KCNN2: variants seen among roughly 807,000 people sequenced by gnomAD.
KCNN2 encodes the protein small conductance calcium-activated potassium channel protein 2.
In KCNN2, 24 loss-of-function variants were observed where a neutral mutation model predicts 55.5. That is an observed-to-expected ratio of 0.43 (90% CI 0.31 to 0.61). The LOEUF (loss-of-function observed/expected upper bound fraction) is 0.61, where lower values mean the gene tolerates loss of function less well. KCNN2 is among the 20% of genes least tolerant of loss of function. The pLI, the probability that KCNN2 is intolerant of heterozygous loss-of-function variation, is 0.08. For missense variants in KCNN2, 754 were observed against 853.6 expected (o/e 0.88, Z 1.45); for synonymous variants, 431 against 336.1 (o/e 1.28, Z -3.09).
chr5:114,483,874 T>C (rs1185238589), intron 5 of KCNN2, among the ~76,000 whole-genome samples: 3 of 152,196 alleles, frequency 2.0e-5, no homozygotes, highest in African/African-American at 4.8e-5. Context: ...TACTAAATGT[T>C]TGATGGACAT....
At chr5:114,478,685 T>C (rs938839271) in intron 5 of KCNN2, among the ~76,000 whole-genome samples, 3 of 152,122 alleles carry the variant, frequency 2.0e-5, no homozygotes, top group African/African-American at 7.2e-5. Context: ...AAAACCCGTC[T>C]GACTAACAGT....
At chr5:114,488,237 A>ACT in intron 6 of KCNN2, among the ~76,000 whole-genome samples, 1 of 152,194 alleles carries the variant, frequency 6.6e-6, no homozygotes, top group African/African-American at 2.4e-5. Context: ...AGAAATTAAA[A>ACT]CTCAAGTATC....
chr5:114,361,061 G>A (rs1019941467), upstream of KCNN2: 2 of 152,380 alleles, frequency 1.3e-5, no homozygotes, highest in African/African-American at 4.8e-5. Flanking sequence ...TGGGACCTCC[G>A]GATTCGGGCT....
intron 1 of KCNN2, among the ~76,000 whole-genome samples, chr5:114,198,497 T>G (rs1753606314): frequency 6.7e-6 from 1 of 149,062 alleles, no homozygotes; most frequent in Non-Finnish European, 1.5e-5. Flanking sequence ...TTTTCTTTAT[T>G]CAGTCCTCCT....
In KCNN2 at chr5:114,150,149, C is replaced by T. The variant is rs560888296; in HGVS notation, c.-270-71331C>T. ...CTGGCATTGACTTTACATAGTCCTG[C>T]GTGCAACTTTGTATTTACAATAATC... On this transcript the variant is annotated intron_variant, in intron 1 of 10. Coordinates refer to the KCNN2 transcript ENST00000512097. Among the ~76,000 whole-genome samples, 14 of 152,284 alleles carry T rather than the reference C, an allele frequency of 9.2e-5. No individual in the cohort carries two copies. The East Asian group carries it at 1.9e-3, about 21-fold the overall frequency.
rs193009436 is a variant in KCNN2, at chr5:114,268,687, C to T, written c.-185+47122C>T. 6.6e-5 allele frequency among the ~76,000 whole-genome samples: 10 copies of T among 152,240 alleles called. No homozygotes were observed. The East Asian group carries it at 9.7e-4, about 15-fold the overall frequency. ...AGACTGAAGTTCTGACACAGGTCTC[C>T]GGGTCATTTCTCTGCCCAGATAGAG... On this transcript the variant is annotated intron_variant, in intron 2 of 10. Coordinates refer to the KCNN2 transcript ENST00000512097.
chr5:114,175,793 C>CT (rs1258315545), intron 1 of KCNN2, among the ~76,000 whole-genome samples: 1 of 152,066 alleles, frequency 6.6e-6, no homozygotes. Flanking sequence ...TGCAATTGCA[C>CT]TTTAGTTGAA....
intron 3 of KCNN2, among the ~76,000 whole-genome samples, chr5:114,442,033 C>T (rs1013909821): frequency 2.6e-5 from 4 of 152,020 alleles, no homozygotes; most frequent in African/African-American, 9.7e-5. Context: ...GCTCAGAATC[C>T]CATTTCTCAA....
At chr5:114,358,365 T>G (rs554944491), upstream of KCNN2, among the ~76,000 whole-genome samples, 9 of 152,122 alleles carry the variant, frequency 5.9e-5, no homozygotes, top group Non-Finnish European at 1.2e-4. Flanking sequence ...GAAAATGTGT[T>G]TGTGTGTGGG....
At chr5:114,314,204 G>C (rs1460146180) in intron 2 of KCNN2, among the ~76,000 whole-genome samples, 3 of 152,068 alleles carry the variant, frequency 2.0e-5, no homozygotes, top group African/African-American at 7.2e-5. Context: ...TTACTAAAAA[G>C]TTGAGCAGAA....
At chr5:114,205,906 G>T (rs879921177) in intron 1 of KCNN2, among the ~76,000 whole-genome samples, 1 of 152,148 alleles carries the variant, frequency 6.6e-6, no homozygotes, top group Admixed American at 6.6e-5. Flanking sequence ...GCATGAAAAG[G>T]ACAGATTTAT....
chr5:114,216,594 A>G (rs991666292), intron 1 of KCNN2, among the ~76,000 whole-genome samples: 1 of 152,194 alleles, frequency 6.6e-6, no homozygotes, highest in African/African-American at 2.4e-5. Context: ...AAAATCCAAT[A>G]TAAACACTCT....
intron 5 of KCNN2, among the ~76,000 whole-genome samples, chr5:114,476,338 G>GAACT (rs1392224454): frequency 6.6e-6 from 1 of 151,792 alleles, no homozygotes; most frequent in Non-Finnish European, 1.5e-5. Flanking sequence ...TTTAAAAGTA[G>GAACT]AACTACTTTG....
intron 4 of KCNN2, among the ~76,000 whole-genome samples, chr5:114,472,402 T>A (rs1159623555): frequency 2.6e-5 from 4 of 152,220 alleles, no homozygotes; most frequent in Non-Finnish European, 5.9e-5. Flanking sequence ...AAAATGAAGA[T>A]GACCCGTGCC....
At chr5:114,429,537 A>G (rs1024970301) in intron 3 of KCNN2, among the ~76,000 whole-genome samples, 1 of 151,944 alleles carries the variant, frequency 6.6e-6, no homozygotes, top group Non-Finnish European at 1.5e-5. Flanking sequence ...TGTTCTTTGT[A>G]TCTCTTGGAT....
chr5:114,085,973 A>G (rs936847142), intron 1 of KCNN2, among the ~76,000 whole-genome samples: 2 of 152,126 alleles, frequency 1.3e-5, no homozygotes, highest in Admixed American at 6.6e-5. Context: ...TTTTCAGCAT[A>G]AAATATCAGT....
intron 2 of KCNN2, among the ~76,000 whole-genome samples, chr5:114,336,948 T>C (rs1205137140): frequency 6.6e-6 from 1 of 152,164 alleles, no homozygotes; most frequent in Admixed American, 6.5e-5. Context: ...GTAAGAACTT[T>C]TGGATTTATT....
intron 2 of KCNN2, among the ~76,000 whole-genome samples, chr5:114,328,564 G>T (rs963629276): frequency 6.6e-6 from 1 of 152,140 alleles, no homozygotes; most frequent in Admixed American, 6.5e-5. Context: ...AGGGGATAAA[G>T]ATCTTAGTAC....
At chr5:114,375,904 C>T (rs1580764069) in intron 2 of KCNN2, among the ~76,000 whole-genome samples, 4 of 141,698 alleles carry the variant, frequency 2.8e-5, no homozygotes, top group African/African-American at 1.0e-4. Context: ...ATTTTGTATT[C>T]ACTGGCTCTT....
Sources: allele counts gnomAD v4.1 joint callset (sites outside exome capture counted in the v4.1 genomes callset), GRCh38; gene constraint gnomAD v4.1.1; transcripts MANE v1.5; gene names NCBI Gene and HGNC (gene_info 2026-07-23, HGNC 2026-07-21).